KCNQ1: variants seen among roughly 807,000 people sequenced by gnomAD.
KCNQ1 encodes the protein potassium voltage-gated channel subfamily Q member 1.
In KCNQ1, 49 loss-of-function variants were observed where a neutral mutation model predicts 72.4. The ratio of observed to expected loss-of-function variants is 0.68; its 90% CI spans 0.54 to 0.86. KCNQ1 has a LOEUF of 0.86. KCNQ1 is among the 40% of genes least tolerant of loss of function. KCNQ1 has a pLI of 0.00. For missense variants in KCNQ1, 790 were observed against 945.1 expected (o/e 0.84, Z 2.15); for synonymous variants, 450 against 412.6 (o/e 1.09, Z -1.10).
At chr11:2,650,751 A>G in intron 10 of KCNQ1, 2 of 398,590 alleles carry the variant, frequency 5.0e-6, no homozygotes, top group Non-Finnish European at 8.8e-6. Context: ...TCACTTTGCT[A>G]CCCACAGGCA....
chr11:2,811,498 T>C (rs1188995783), intron 15 of KCNQ1, among the ~76,000 whole-genome samples: 1 of 152,242 alleles, frequency 6.6e-6, no homozygotes, highest in Non-Finnish European at 1.5e-5. Context: ...TGAGGTTCAC[T>C]GCCCTAAAGG....
chr11:2,826,454 G>A lies in KCNQ1; in HGVS notation c.1795-21313G>A, dbSNP rs551750440. 4.6e-4 allele frequency among the ~76,000 whole-genome samples: 70 copies of A among 152,332 alleles called. No individual in the cohort carries two copies. The highest frequency in any genetic ancestry group is 7.1e-4 in the Non-Finnish European group (48 of 68,026). On this transcript the variant is annotated intron_variant, in intron 15 of 15. Transcript: ENST00000155840. This position sits in a 1 kb window ranked among gnomAD's most constrained non-coding sequence, Gnocchi z 4.2. ...GATGGAAACCGCCGTGCGGTTCCGC[G>A]CAGACAGTCACGGAAACTCAGGCAG... is the stretch of plus-strand genomic sequence containing the variant.
At position 2,683,331 on chromosome 11, in the gene KCNQ1, T is replaced by A. The variant is rs1013909070; in HGVS notation, c.1514+21250T>A. The stretch of plus-strand genomic sequence containing the variant: ...CACATAGAGGCCAGGTTTCCCCCGC[T>A]CAACACTAGGCCACTGTGCCTGCCA... On this transcript the variant is annotated intron_variant, in intron 11 of 15. Transcript: ENST00000155840. The surrounding 1 kb of genome is among the most constrained non-coding windows in gnomAD (Gnocchi z 4.7). 1.5e-5 allele frequency: 6 copies of A among 398,418 alleles called. No individual in the cohort carries two copies. Among genetic ancestry groups the A allele is most frequent in the Non-Finnish European group, 2.7e-5 (6 of 226,050 alleles). 24.7% of individuals were successfully genotyped at this position (398,418 alleles called of 1,614,324 possible). A position where few individuals can be genotyped will look rare whatever the true frequency, so the allele number is the denominator to read the frequency against.
intron 15 of KCNQ1, among the ~76,000 whole-genome samples, chr11:2,811,905 C>A (rs1162680216): frequency 6.6e-6 from 1 of 152,170 alleles, no homozygotes; most frequent in Non-Finnish European, 1.5e-5. Context: ...CCCGAGTGCC[C>A]GCCGCAGGAT....
At chr11:2,589,653 C>T (rs764354812) in intron 10 of KCNQ1, among the ~76,000 whole-genome samples, 4 of 152,194 alleles carry the variant, frequency 2.6e-5, no homozygotes, top group Non-Finnish European at 4.4e-5. Flanking sequence ...TTCAGCCACA[C>T]GGCAGGAACA....
At chr11:2,532,883 G>A (rs1301177874) in intron 2 of KCNQ1, among the ~76,000 whole-genome samples, 1 of 152,202 alleles carries the variant, frequency 6.6e-6, no homozygotes, top group Non-Finnish European at 1.5e-5. Context: ...ACGGTTGGGG[G>A]CGCTTCGGGG....
chr11:2,627,923 A>T lies in KCNQ1; in HGVS notation c.1394-34038A>T. 1 of 398,340 alleles carries T rather than the reference A, an allele frequency of 2.5e-6. No individual in the cohort carries two copies. Among genetic ancestry groups the T allele is most frequent in the Non-Finnish European group, 4.4e-6 (1 of 225,976 alleles). The allele number at this position is 398,340 out of a possible 1,614,324, so 24.7% of individuals were successfully genotyped here. A position where few individuals can be genotyped will look rare whatever the true frequency, so the allele number is the denominator to read the frequency against. ...GCACCCCCATGCCCAGCTAATTTTT[A>T]AAATTTTATGTAGAGATAGGGTATC... On this transcript the variant is annotated intron_variant, in intron 10 of 15. Coordinates refer to ENST00000155840, the MANE Select transcript of KCNQ1 (RefSeq NM_000218.3). The surrounding 1 kb of genome is among the most constrained non-coding windows in gnomAD (Gnocchi z 4.9).
In KCNQ1 at chr11:2,700,198, C is replaced by T. The variant is rs189016041; in HGVS notation, c.1514+38117C>T. Among the ~76,000 whole-genome samples the T allele has an allele frequency of 1.1e-4, 16 of 152,320 alleles. 2 individuals are homozygous for T. The highest frequency in any genetic ancestry group is 3.6e-4 in the African/African-American group (15 of 41,570). On this transcript the variant is annotated intron_variant, in intron 11 of 15. Transcript: ENST00000155840. ...GCCACCCGGGCTCAGATTGGCCCAGCGGGTCCAGCGCCGCATGAGGCACTG... is the reference window on the plus strand; with the variant it reads ...GCCACCCGGGCTCAGATTGGCCCAGTGGGTCCAGCGCCGCATGAGGCACTG...
chr11:2,841,350 G>A (rs1204776252), intron 15 of KCNQ1, among the ~76,000 whole-genome samples: 1 of 152,210 alleles, frequency 6.6e-6, no homozygotes, highest in African/African-American at 2.4e-5. Flanking sequence ...GGCCCAGGCT[G>A]GGAGGGAAGG....
At chr11:2,685,724 G>T in intron 11 of KCNQ1, 1 of 398,670 alleles carries the variant, frequency 2.5e-6, no homozygotes, top group South Asian at 1.3e-4. Flanking sequence ...AGGGTGCTCT[G>T]ACAGTCCGCC....
intron 1 of KCNQ1, among the ~76,000 whole-genome samples, chr11:2,469,638 C>T (rs1846412216): frequency 1.3e-5 from 2 of 151,924 alleles, no homozygotes; most frequent in African/African-American, 2.4e-5. Context: ...GAAGCCTTCC[C>T]TTATCCCTTG....
rs569930083 is a variant in KCNQ1, at chr11:2,519,878, G to A, written c.387-8050G>A. On this transcript the variant is annotated intron_variant, in intron 1 of 15. Transcript: ENST00000155840. ...GCTGAGGGTCCCGAGAGGCGTGATTGCATTATCCAGGGGGCCCAAGTCCAG... is the reference window on the plus strand; with the variant it reads ...GCTGAGGGTCCCGAGAGGCGTGATTACATTATCCAGGGGGCCCAAGTCCAG... Among the ~76,000 whole-genome samples, 4 of 152,270 alleles carry A rather than the reference G, an allele frequency of 2.6e-5. No homozygotes were observed. The East Asian group carries it at 7.7e-4, about 29-fold the overall frequency.
chr11:2,763,440 A>G (rs1469961574), intron 11 of KCNQ1, among the ~76,000 whole-genome samples: 1 of 151,976 alleles, frequency 6.6e-6, no homozygotes, highest in Non-Finnish European at 1.5e-5. Context: ...AGAAAGAAAG[A>G]TTGTGAAAGC....
Position 2,572,169 on chromosome 11 carries a change from GCAGCC to G in KCNQ1, c.780+63_780+67del, listed in dbSNP as rs943216849. On this transcript the variant is annotated intron_variant, in intron 5 of 15. Transcript: ENST00000155840. ...TTGGGGACAGGACGGAGGGAGCAGAGCAGCCCACACTAGGACAGCTTGAGATGCGC... is the reference window on the plus strand; with the variant it reads ...TTGGGGACAGGACGGAGGGAGCAGAGCACACTAGGACAGCTTGAGATGCGC... The G allele has an allele frequency of 1.3e-5, 17 of 1,314,334 alleles. No homozygotes were observed. The African/African-American group carries it at 2.5e-4, about 19-fold the overall frequency. The allele number at this position is 1,314,334 out of a possible 1,614,324, so 81.4% of individuals were successfully genotyped here. A position where few individuals can be genotyped will look rare whatever the true frequency, so the allele number is the denominator to read the frequency against.
Position 2,447,535 on chromosome 11 carries a change from A to G in KCNQ1, c.386+2051A>G, listed in dbSNP as rs1424714097. On this transcript the variant is annotated intron_variant, in intron 1 of 15. Coordinates refer to ENST00000155840, the MANE Select transcript of KCNQ1 (RefSeq NM_000218.3). The surrounding 1 kb of genome is among the most constrained non-coding windows in gnomAD (Gnocchi z 7.6). ...GCCTGGGAGATGCGCTCCCACCCTCAGTGCCCTAGGAGGTTGGCAGGACCA... is the reference window on the plus strand; with the variant it reads ...GCCTGGGAGATGCGCTCCCACCCTCGGTGCCCTAGGAGGTTGGCAGGACCA... Among the ~76,000 whole-genome samples the G allele has an allele frequency of 6.6e-6, 1 of 152,058 alleles. No homozygotes were observed. Among genetic ancestry groups the G allele is most frequent in the Non-Finnish European group, 1.5e-5 (1 of 67,988 alleles).
In KCNQ1 at chr11:2,598,038, C is replaced by G. The variant is rs547421975; in HGVS notation, c.1393+9184C>G. 2.6e-5 allele frequency among the ~76,000 whole-genome samples: 4 copies of G among 152,120 alleles called. No individual in the cohort carries two copies. The highest frequency in any genetic ancestry group is 7.2e-5 in the African/African-American group (3 of 41,552). ...ATTATCAGAAAACTATCTTTGTACT[C>G]TTTGTTATCTATTTCATTAATCTAA... On this transcript the variant is annotated intron_variant, in intron 10 of 15. Transcript: ENST00000155840. The surrounding 1 kb of genome is among the most constrained non-coding windows in gnomAD (Gnocchi z 6.2).
At chr11:2,838,819 T>C (rs1848140734) in intron 15 of KCNQ1, among the ~76,000 whole-genome samples, 1 of 152,102 alleles carries the variant, frequency 6.6e-6, no homozygotes, top group Admixed American at 6.5e-5. Flanking sequence ...TGGTGTCCCC[T>C]GGCCTCCGGG....
In KCNQ1 at chr11:2,456,768, A is replaced by C. The variant is rs1371027634; in HGVS notation, c.386+11284A>C. ...AACCCTGTCTCTACTAAAAATCCAA[A>C]AAAAAAAAAAAAAAAAAAAAATTAG... On this transcript the variant is annotated intron_variant, in intron 1 of 15. Transcript: ENST00000155840. 4.0e-4 allele frequency among the ~76,000 whole-genome samples: 43 copies of C among 107,182 alleles called. 3 individuals are homozygous for C. Among genetic ancestry groups the C allele is most frequent in the African/African-American group, 1.8e-3 (40 of 21,762 alleles). 70.3% of individuals were successfully genotyped at this position (107,182 alleles called of 152,430 possible).
At chr11:2,662,391 C>G in intron 11 of KCNQ1, 2 of 511,056 alleles carry the variant, frequency 3.9e-6, no homozygotes, top group Admixed American at 6.8e-5. Flanking sequence ...CCCTCCCCTG[C>G]CCCCCAAAAA....
Sources: gnomAD v4.1 joint callset for allele counts (sites outside exome capture counted in the v4.1 genomes callset) on GRCh38, gnomAD v4.1.1 for gene constraint, Gnocchi (gnomAD v3.1) non-coding constraint, MANE v1.5 for transcripts, NCBI Gene and HGNC (gene_info 2026-07-23, HGNC 2026-07-21) for gene names.